Variants in DPYD observed in about 807,000 individuals in gnomAD.
DPYD encodes dihydropyrimidine dehydrogenase [NADP(+)].
In DPYD, 109 loss-of-function variants were observed where a neutral mutation model predicts 116.2. That is an observed-to-expected ratio of 0.94 (90% CI 0.80 to 1.10). The LOEUF (loss-of-function observed/expected upper bound fraction) is 1.10. Among genes scored for constraint, DPYD ranks in the 50% least tolerant of loss-of-function variants. DPYD has a pLI of 0.00. For missense variants in DPYD, 1,302 were observed against 1,254.5 expected (o/e 1.04, Z -0.57); for synonymous variants, 440 against 432.0 (o/e 1.02, Z -0.23).
At chr1:97,293,646 T>C (rs1407321717) in intron 18 of DPYD, among the ~76,000 whole-genome samples, 1 of 152,080 alleles carries the variant, frequency 6.6e-6, no homozygotes, top group Non-Finnish European at 1.5e-5. Context: ...TGGCAAAGAT[T>C]AAAAGTCAGT....
At chr1:97,864,002 G>A (rs1436436384) in intron 2 of DPYD, among the ~76,000 whole-genome samples, 4 of 151,874 alleles carry the variant, frequency 2.6e-5, no homozygotes, top group Admixed American at 6.6e-5. Flanking sequence ...AAAATGCCAG[G>A]AACTTAGTAG....
intron 1 of DPYD, among the ~76,000 whole-genome samples, chr1:97,920,230 AT>A (rs370791572): frequency 2.0e-5 from 3 of 152,002 alleles, no homozygotes; most frequent in African/African-American, 7.3e-5. Flanking sequence ...ATAAAAAAAG[AT>A]TTTTTTTAAC....
At chr1:97,557,831 G>A (rs919482246) in intron 11 of DPYD, among the ~76,000 whole-genome samples, 1 of 152,168 alleles carries the variant, frequency 6.6e-6, no homozygotes, top group African/African-American at 2.4e-5. Context: ...TGGATCTCTA[G>A]TACATGGCAG....
At chr1:97,527,778 G>T (rs1199726659) in intron 12 of DPYD, among the ~76,000 whole-genome samples, 1 of 127,092 alleles carries the variant, frequency 7.9e-6, no homozygotes, top group Non-Finnish European at 1.6e-5. Context: ...GATTTGCTTT[G>T]CTAGAATGAA....
At chr1:97,173,930 C>T (rs1657069751) in intron 20 of DPYD, among the ~76,000 whole-genome samples, 1 of 150,492 alleles carries the variant, frequency 6.6e-6, no homozygotes, top group African/African-American at 2.5e-5. Flanking sequence ...AATACTAATG[C>T]CCTACAAAAT....
chr1:97,639,270 T>C (rs1442669991), intron 8 of DPYD, among the ~76,000 whole-genome samples: 1 of 152,190 alleles, frequency 6.6e-6, no homozygotes, highest in African/African-American at 2.4e-5. Flanking sequence ...GGTATATATA[T>C]GTAAACAGTT....
intron 20 of DPYD, among the ~76,000 whole-genome samples, chr1:97,107,649 A>G (rs146454692): frequency 2.0e-5 from 3 of 152,234 alleles, no homozygotes; most frequent in Admixed American, 2.0e-4. Flanking sequence ...GATAAAGAAT[A>G]TCCATGAGTT....
chr1:97,242,292 C>A (rs1570743520), intron 18 of DPYD, among the ~76,000 whole-genome samples: 1 of 150,218 alleles, frequency 6.7e-6, no homozygotes, highest in Admixed American at 6.7e-5. Context: ...TCTAAAGGAT[C>A]ATGAGTAGTT....
At chr1:97,587,495 T>A (rs1654209994) in intron 10 of DPYD, among the ~76,000 whole-genome samples, 1 of 152,118 alleles carries the variant, frequency 6.6e-6, no homozygotes, top group South Asian at 2.1e-4. Context: ...TTTGTTGTAA[T>A]TAAATTAAAA....
At chr1:97,408,926 G>T (rs1421040735) in intron 14 of DPYD, among the ~76,000 whole-genome samples, 1 of 152,046 alleles carries the variant, frequency 6.6e-6, no homozygotes, top group Non-Finnish European at 1.5e-5. Flanking sequence ...TTTGTCAGGG[G>T]CTCTTGGGCC....
At chr1:97,819,876 A>G (rs1571412049) in intron 3 of DPYD, among the ~76,000 whole-genome samples, 1 of 152,108 alleles carries the variant, frequency 6.6e-6, no homozygotes, top group Admixed American at 6.6e-5. Context: ...AGGAGATTTT[A>G]TAGAGAAATA....
intron 18 of DPYD, among the ~76,000 whole-genome samples, chr1:97,268,756 T>C (rs1217424621): frequency 6.6e-6 from 1 of 152,158 alleles, no homozygotes; most frequent in African/African-American, 2.4e-5. Context: ...CTGCCTTCAA[T>C]GTCCTACCTA....
chr1:97,382,342 TA>T, intron 15 of DPYD, 50 bp downstream of exon 15: 1 of 1,151,844 alleles, frequency 8.7e-7, no homozygotes, highest in Non-Finnish European at 1.2e-6. Flanking sequence ...TTAAAACTAA[TA>T]AAAATAGGAG....
chr1:97,372,216 C>T (rs1279491797), intron 16 of DPYD, among the ~76,000 whole-genome samples: 15 of 152,138 alleles, frequency 9.9e-5, no homozygotes, highest in Admixed American at 9.8e-4. Context: ...TGTTTCTATC[C>T]ATGTAGCTAA....
intron 3 of DPYD, among the ~76,000 whole-genome samples, chr1:97,787,693 C>T (rs558301902): frequency 2.6e-5 from 4 of 152,144 alleles, no homozygotes; most frequent in Admixed American, 6.5e-5. Context: ...ACAGAAGTTC[C>T]GTCGAACAAG....
chr1:97,501,221 A>T (rs1679558564), intron 13 of DPYD, among the ~76,000 whole-genome samples: 1 of 152,110 alleles, frequency 6.6e-6, no homozygotes, highest in South Asian at 2.1e-4. Flanking sequence ...TAATACCAGA[A>T]GTCTAACATT....
intron 10 of DPYD, 48 bp from the exon 11 acceptor site, chr1:97,574,018 C>T (rs1352625282): frequency 6.2e-7 from 1 of 1,600,326 alleles, no homozygotes; most frequent in Non-Finnish European, 8.5e-7. Flanking sequence ...TTTCTTATTC[C>T]ACACAGTATT....
intron 16 of DPYD, among the ~76,000 whole-genome samples, chr1:97,316,471 G>A (rs977095022): frequency 8.7e-5 from 13 of 148,976 alleles, no homozygotes; most frequent in Non-Finnish European, 1.5e-4. Flanking sequence ...CCGAGATTGC[G>A]TCACTGCATT....
intron 5 of DPYD, among the ~76,000 whole-genome samples, chr1:97,707,006 T>C (rs1420764303): frequency 6.6e-6 from 1 of 152,062 alleles, no homozygotes; most frequent in Non-Finnish European, 1.5e-5. Context: ...CAGCATTTGG[T>C]GATATCAGTG....
Sources: gnomAD v4.1 joint callset for allele counts (sites outside exome capture counted in the v4.1 genomes callset) on GRCh38, gnomAD v4.1.1 for gene constraint, MANE v1.5 for transcripts, NCBI Gene and HGNC (gene_info 2026-07-23, HGNC 2026-07-21) for gene names.